Variants in TLN2 observed in about 807,000 individuals in gnomAD.
TLN2 encodes the protein talin 2, also known as talin-2.
In TLN2, 118 loss-of-function variants were observed where a neutral mutation model predicts 294.7. The ratio of observed to expected loss-of-function variants is 0.40; its 90% CI spans 0.34 to 0.47. The LOEUF is 0.47. Ranked by LOEUF, TLN2 falls within the 20% of genes least tolerant of loss-of-function variation. TLN2 has a pLI of 0.84. For missense variants in TLN2, 3,083 were observed against 3,282.2 expected (o/e 0.94, Z 1.48); for synonymous variants, 1,431 against 1,304.5 (o/e 1.10, Z -2.09).
intron 30 of TLN2, 29 bp from the exon 31 acceptor site, chr15:62,739,319 T>G (rs754774785): frequency 5.6e-6 from 9 of 1,602,480 alleles, no homozygotes; most frequent in Non-Finnish European, 7.7e-6. Flanking sequence ...GCAGAATGTC[T>G]CATGGGGTGT....
chr15:62,519,693 A>G (rs898535684), intron 1 of TLN2, among the ~76,000 whole-genome samples: 8 of 152,222 alleles, frequency 5.3e-5, no homozygotes, highest in African/African-American at 1.4e-4. Flanking sequence ...TATAATGTGT[A>G]GCAGCAAATT....
At chr15:62,659,858 A>C (rs575520108) in intron 9 of TLN2, among the ~76,000 whole-genome samples, 173 of 152,332 alleles carry the variant, frequency 1.1e-3, no homozygotes, top group Non-Finnish European at 2.2e-3. Flanking sequence ...TATACCATGC[A>C]GGTAAAACTT....
intron 19 of TLN2, 94 bp from the exon 20 acceptor site, chr15:62,706,992 A>G (rs1246380213): frequency 2.8e-6 from 4 of 1,412,576 alleles, no homozygotes; most frequent in Non-Finnish European, 3.8e-6. Flanking sequence ...ACTGAAGGAA[A>G]AAGATCAAAT....
At chr15:62,610,843 G>A (rs147426678) in intron 2 of TLN2, among the ~76,000 whole-genome samples, 1 of 152,338 alleles carries the variant, frequency 6.6e-6, no homozygotes, top group East Asian at 1.9e-4. Context: ...AGGATCACCT[G>A]TGTATCTCTG....
chr15:62,769,624 A>G (rs1043559872), intron 41 of TLN2, among the ~76,000 whole-genome samples: 1 of 152,100 alleles, frequency 6.6e-6, no homozygotes, highest in Non-Finnish European at 1.5e-5. Flanking sequence ...TATTTTTTGG[A>G]CACGTTCCCT....
Position 62,734,487 on chromosome 15 carries a change from C to T in TLN2, c.3359-2391C>T, listed in dbSNP as rs568624716. On this transcript the variant is annotated intron_variant, in intron 28 of 58. Transcript: ENST00000636159. ...CCAGAGCCAGATGAGGTCTTAACTA[C>T]ATCTGGCGCTTTTCTGAGCAACAGC... 1.1e-4 allele frequency among the ~76,000 whole-genome samples: 16 copies of T among 152,342 alleles called. No homozygotes were observed. The South Asian group carries it at 3.3e-3, about 32-fold the overall frequency.
intron 22 of TLN2, among the ~76,000 whole-genome samples, chr15:62,713,173 G>T (rs1191418543): frequency 6.7e-6 from 1 of 149,208 alleles, no homozygotes; most frequent in African/African-American, 2.5e-5. Context: ...GGAGGCTGAG[G>T]CAGGAGAAAA....
chr15:62,395,989 CCA>C (rs1341534650), intron 1 of TLN2, among the ~76,000 whole-genome samples: 1 of 152,130 alleles, frequency 6.6e-6, no homozygotes, highest in Non-Finnish European at 1.5e-5. Context: ...GCACCCGCCA[CCA>C]CACCTGGCTA....
chr15:62,527,969 T>C (rs2040829520), intron 1 of TLN2, among the ~76,000 whole-genome samples: 1 of 152,206 alleles, frequency 6.6e-6, no homozygotes, highest in Non-Finnish European at 1.5e-5. Flanking sequence ...GTGGAAAATA[T>C]AAAAAATACT....
intron 42 of TLN2, among the ~76,000 whole-genome samples, chr15:62,773,387 G>C (rs1477222276): frequency 6.6e-6 from 1 of 151,988 alleles, no homozygotes; most frequent in African/African-American, 2.4e-5. Context: ...TAAAGCATTA[G>C]ATGATGAAGT....
At chr15:62,738,085 A>G in intron 29 of TLN2, 129 bp from the exon 30 acceptor site, 1 of 1,000,512 alleles carries the variant, frequency 1.0e-6, no homozygotes. Flanking sequence ...AAGACAGGTA[A>G]GAGTGGCAGG....
intron 50 of TLN2, among the ~76,000 whole-genome samples, chr15:62,801,931 C>T (rs897555805): frequency 4.6e-5 from 7 of 152,212 alleles, no homozygotes; most frequent in African/African-American, 1.4e-4. Context: ...GGGTATCCAT[C>T]ATCTCAAGCA....
intron 1 of TLN2, among the ~76,000 whole-genome samples, chr15:62,556,096 G>A (rs1407394908): frequency 6.6e-6 from 1 of 151,614 alleles, no homozygotes; most frequent in East Asian, 1.9e-4. Context: ...TCTCATCTGG[G>A]AAATGGTAGT....
chr15:62,683,405 G>A (rs577730750), intron 11 of TLN2, among the ~76,000 whole-genome samples: 2 of 151,548 alleles, frequency 1.3e-5, no homozygotes, highest in Non-Finnish European at 2.9e-5. Context: ...AGCGAATCCT[G>A]CCTCTCATTG....
intron 1 of TLN2, among the ~76,000 whole-genome samples, chr15:62,425,983 C>T (rs537592371): frequency 6.6e-6 from 1 of 152,328 alleles, no homozygotes; most frequent in East Asian, 1.9e-4. Context: ...TCTAAGTCCC[C>T]TTGACCTGTT....
chr15:62,718,501 A>T (rs925007190), intron 24 of TLN2, among the ~76,000 whole-genome samples: 4 of 152,222 alleles, frequency 2.6e-5, no homozygotes, highest in African/African-American at 9.6e-5. Context: ...CACTGCTCCC[A>T]CTTCAGAAAT....
chr15:62,711,822 G>A, intron 21 of TLN2, 89 bp from the exon 22 acceptor site: 2 of 1,422,078 alleles, frequency 1.4e-6, no homozygotes, highest in East Asian at 2.3e-5. Context: ...CTTACCAGAG[G>A]AGTAGAGACA....
chr15:62,426,282 T>G (rs2034702037), intron 1 of TLN2, among the ~76,000 whole-genome samples: 1 of 152,228 alleles, frequency 6.6e-6, no homozygotes, highest in Non-Finnish European at 1.5e-5. Context: ...TTTATCTTTT[T>G]CCCTCTCCCC....
intron 1 of TLN2, among the ~76,000 whole-genome samples, chr15:62,530,162 G>A (rs1264143942): frequency 1.3e-5 from 2 of 152,168 alleles, no homozygotes; most frequent in African/African-American, 4.8e-5. Flanking sequence ...CTGCACTCCA[G>A]CCTGGGTGAC....
Sources: allele counts gnomAD v4.1 joint callset (sites outside exome capture counted in the v4.1 genomes callset), GRCh38; gene constraint gnomAD v4.1.1; transcripts MANE v1.5; gene names NCBI Gene and HGNC (gene_info 2026-07-23, HGNC 2026-07-21).